The following SDK1 variants were observed in gnomAD, a reference collection of about 807,000 sequenced individuals.
SDK1 encodes sidekick cell adhesion molecule 1.
Under a neutral mutation model 245.5 loss-of-function variants are expected in SDK1, and 157 were observed. The ratio of observed to expected loss-of-function variants is 0.64; its 90% CI spans 0.56 to 0.73. The LOEUF (loss-of-function observed/expected upper bound fraction) is 0.73. Among genes scored for constraint, SDK1 ranks in the 30% least tolerant of loss-of-function variants. The pLI is 0.00. For missense variants in SDK1, 3,583 were observed against 3,002.3 expected, an observed-to-expected ratio of 1.19 and a Z score of -4.52; for synonymous variants, 1,647 against 1,278.5, an observed-to-expected ratio of 1.29 and a Z score of -6.15.
At chr7:3,339,306 ATAAAT>A (rs1440273004) in intron 1 of SDK1, among the ~76,000 whole-genome samples, 1 of 152,216 alleles carries the variant, frequency 6.6e-6, no homozygotes, top group African/African-American at 2.4e-5. Flanking sequence ...GAAAGGAGAA[ATAAAT>A]TTAACAAATA....
intron 4 of SDK1, among the ~76,000 whole-genome samples, chr7:3,820,912 T>A (rs1779628129): frequency 6.6e-6 from 1 of 152,112 alleles, no homozygotes; most frequent in Non-Finnish European, 1.5e-5. Flanking sequence ...TGGCCTGGAG[T>A]TAATAATGAT....
intron 4 of SDK1, among the ~76,000 whole-genome samples, chr7:3,661,464 G>A (rs1018968986): frequency 2.6e-5 from 4 of 152,078 alleles, no homozygotes; most frequent in Admixed American, 2.0e-4. Context: ...GTAGTACCCC[G>A]CCTTCATCTA....
At chr7:4,114,941 T>C (rs908900062) in intron 25 of SDK1, among the ~76,000 whole-genome samples, 1 of 152,218 alleles carries the variant, frequency 6.6e-6, no homozygotes, top group Non-Finnish European at 1.5e-5. Flanking sequence ...CTCTGCCAGT[T>C]GCCAGGAAGC....
At chr7:3,477,437 C>T (rs1781381337) in intron 1 of SDK1, among the ~76,000 whole-genome samples, 1 of 151,476 alleles carries the variant, frequency 6.6e-6, no homozygotes, top group African/African-American at 2.4e-5. Flanking sequence ...CTCAGGTGAT[C>T]CACTTTGGCC....
At chr7:4,064,693 A>G (rs1413452141) in intron 19 of SDK1, among the ~76,000 whole-genome samples, 1 of 152,202 alleles carries the variant, frequency 6.6e-6, no homozygotes, top group Non-Finnish European at 1.5e-5. Flanking sequence ...GGATAAGAAA[A>G]TGTGGTGTAT....
intron 1 of SDK1, among the ~76,000 whole-genome samples, chr7:3,566,006 G>A (rs1275339536): frequency 1.3e-5 from 2 of 151,936 alleles, no homozygotes; most frequent in African/African-American, 2.4e-5. Flanking sequence ...ACGACTTACA[G>A]CAACGAAAGC....
intron 1 of SDK1, among the ~76,000 whole-genome samples, chr7:3,416,602 A>G (rs971054820): frequency 4.0e-5 from 6 of 151,678 alleles, no homozygotes; most frequent in African/African-American, 1.2e-4. Context: ...AATCTGGTCT[A>G]TACTTCTTCT....
chr7:3,606,356 G>A (rs1211283829), intron 1 of SDK1, among the ~76,000 whole-genome samples: 1 of 152,166 alleles, frequency 6.6e-6, no homozygotes, highest in Non-Finnish European at 1.5e-5. Flanking sequence ...TGGTCTCCCG[G>A]CTTCAGCACT....
chr7:3,923,878 C>G (rs377197281), intron 5 of SDK1, among the ~76,000 whole-genome samples: 1 of 152,102 alleles, frequency 6.6e-6, no homozygotes, highest in African/African-American at 2.4e-5. Context: ...GTGGACTTGT[C>G]TTTTGCGGGT....
chr7:3,455,607 T>C (rs1214194375), intron 1 of SDK1, among the ~76,000 whole-genome samples: 2 of 152,180 alleles, frequency 1.3e-5, no homozygotes, highest in Non-Finnish European at 2.9e-5. Context: ...TGTGTGTCTT[T>C]CTGGCTTCTC....
intron 7 of SDK1, among the ~76,000 whole-genome samples, chr7:3,955,072 A>T (rs886668605): frequency 6.6e-6 from 1 of 152,036 alleles, no homozygotes; most frequent in Admixed American, 6.5e-5. Context: ...CGGTCTCCTC[A>T]TCACACACGA....
At chr7:3,854,596 A>G (rs79026489) in intron 5 of SDK1, among the ~76,000 whole-genome samples, 2,127 of 152,310 alleles carry the variant, frequency 0.014, 56 homozygotes, top group African/African-American at 0.049. Flanking sequence ...TTATATTTTT[A>G]TTCATGAAAT....
chr7:3,987,608 C>T (rs541527181), intron 14 of SDK1, among the ~76,000 whole-genome samples: 1 of 152,118 alleles, frequency 6.6e-6, no homozygotes, highest in Non-Finnish European at 1.5e-5. Flanking sequence ...AGTGTCACTC[C>T]CAGGGCGAGC....
intron 1 of SDK1, among the ~76,000 whole-genome samples, chr7:3,596,756 G>A (rs919737342): frequency 2.0e-5 from 3 of 152,200 alleles, no homozygotes; most frequent in Non-Finnish European, 2.9e-5. Flanking sequence ...ATTGAGCGAA[G>A]ACTAATTCTG....
chr7:3,377,514 A>G (rs939766753), intron 1 of SDK1, among the ~76,000 whole-genome samples: 20 of 152,078 alleles, frequency 1.3e-4, no homozygotes, highest in African/African-American at 4.6e-4. Flanking sequence ...CATAAGCAGT[A>G]CTTGGTCAGG....
intron 1 of SDK1, among the ~76,000 whole-genome samples, chr7:3,506,555 G>A (rs1268680921): frequency 2.0e-5 from 3 of 152,126 alleles, no homozygotes; most frequent in African/African-American, 7.2e-5. Context: ...TGACTCTGAT[G>A]TACTTTGATG....
At chr7:3,959,090 GC>G in intron 8 of SDK1, 76 bp downstream of exon 8, 1 of 1,120,474 alleles carries the variant, frequency 8.9e-7, no homozygotes, top group Non-Finnish European at 1.4e-6. Flanking sequence ...TAGCAGAATT[GC>G]CATCATTCTA....
intron 5 of SDK1, among the ~76,000 whole-genome samples, chr7:3,923,639 C>T (rs1403311497): frequency 2.0e-5 from 3 of 152,216 alleles, no homozygotes; most frequent in Non-Finnish European, 4.4e-5. Flanking sequence ...TTGGTGCCAT[C>T]AAAGTTTGGG....
chr7:3,627,080 A>G (rs1308837294), intron 2 of SDK1, among the ~76,000 whole-genome samples: 2 of 152,040 alleles, frequency 1.3e-5, no homozygotes. Context: ...GGCACACACC[A>G]CCATGCCCAG....
Sources: allele counts gnomAD v4.1 joint callset (sites outside exome capture counted in the v4.1 genomes callset), GRCh38; gene constraint gnomAD v4.1.1; transcripts MANE v1.5; gene names NCBI Gene and HGNC (gene_info 2026-07-23, HGNC 2026-07-21).